The following MED12L variants were observed in gnomAD, a reference collection of about 807,000 sequenced individuals.
The protein encoded by MED12L is mediator complex subunit 12L.
MED12L carries 60 observed loss-of-function variants against 281.3 expected under a neutral mutation model. That is an observed-to-expected ratio of 0.21 (90% CI 0.17 to 0.26). The LOEUF is 0.26. MED12L is among the 10% of genes least tolerant of loss of function. The pLI is 1.00. For synonymous variants in MED12L, 974 were observed against 987.2 expected (o/e 0.99, Z 0.25); for missense variants, 2,146 against 2,680.9 (o/e 0.80, Z 4.41).
intron 6 of MED12L, among the ~76,000 whole-genome samples, chr3:151,157,070 G>T (rs994373795): frequency 1.3e-5 from 2 of 152,138 alleles, no homozygotes; most frequent in African/African-American, 4.8e-5. Flanking sequence ...TTTTAAGTCA[G>T]TAAAAATAAA....
At chr3:151,253,728 A>G (rs1180321612) in intron 16 of MED12L, among the ~76,000 whole-genome samples, 2 of 152,036 alleles carry the variant, frequency 1.3e-5, no homozygotes, top group African/African-American at 2.4e-5. Context: ...TGTCTGGGGA[A>G]TGGGGTGGGG....
At chr3:151,249,825 T>G (rs947226389) in intron 16 of MED12L, among the ~76,000 whole-genome samples, 1 of 152,190 alleles carries the variant, frequency 6.6e-6, no homozygotes, top group African/African-American at 2.4e-5. Flanking sequence ...ATGCTCTGGA[T>G]TAATACAGTC....
intron 16 of MED12L, among the ~76,000 whole-genome samples, chr3:151,321,959 A>C (rs1270112726): frequency 6.6e-6 from 1 of 152,152 alleles, no homozygotes; most frequent in African/African-American, 2.4e-5. Flanking sequence ...GCAAGGAAGC[A>C]GAAACCCGGG....
At chr3:151,430,107 G>A (rs541972859) in intron 43 of MED12L, among the ~76,000 whole-genome samples, 192 bp from the exon 44 acceptor site, 1 of 152,252 alleles carries the variant, frequency 6.6e-6, no homozygotes, top group African/African-American at 2.4e-5. Context: ...CTGAATAGAT[G>A]GGGTACTTCA....
chr3:151,274,653 G>A (rs1320000948), intron 16 of MED12L, among the ~76,000 whole-genome samples: 1 of 152,228 alleles, frequency 6.6e-6, no homozygotes, highest in Non-Finnish European at 1.5e-5. Flanking sequence ...GTCAGTAAAT[G>A]ACTTCTGATG....
intron 2 of MED12L, among the ~76,000 whole-genome samples, chr3:151,112,748 G>T (rs1293594871): frequency 1.3e-5 from 2 of 152,108 alleles, no homozygotes; most frequent in Non-Finnish European, 2.9e-5. Flanking sequence ...TGGTGTGTGG[G>T]GTTTGATGGG....
chr3:151,163,794 C>A, intron 8 of MED12L, 99 bp from the exon 9 acceptor site: 1 of 1,222,146 alleles, frequency 8.2e-7, no homozygotes, highest in Non-Finnish European at 1.1e-6. Flanking sequence ...TAGTAGGAGA[C>A]AATAATACAG....
intron 43 of MED12L, among the ~76,000 whole-genome samples, chr3:151,417,524 G>A (rs1297166911): frequency 9.2e-6 from 1 of 108,660 alleles, no homozygotes; most frequent in Admixed American, 1.5e-4. Flanking sequence ...AATCTCACTC[G>A]ATCACTCAAG....
rs1319656867 is a variant in MED12L, at chr3:151,434,455, G to GA, written c.*1655dup. ...CCCATTTTGTGTTTACTCTGGGCTG[G>GA]AAAAGACTTTGCCAAAACATTAAAA... On this transcript the variant is annotated 3_prime_UTR_variant, in exon 45 of 45. Coordinates refer to ENST00000687756, the MANE Select transcript of MED12L (RefSeq NM_001393769.1). 6.6e-6 allele frequency: 1 copy of GA among 152,122 alleles called. No homozygotes were observed. Among genetic ancestry groups the GA allele is most frequent in the African/African-American group, 2.4e-5 (1 of 41,416 alleles). The allele number at this position is 152,122 out of a possible 1,614,324, so 9.4% of individuals were successfully genotyped here. A position where few individuals can be genotyped will look rare whatever the true frequency, so the allele number is the denominator to read the frequency against.
chr3:151,124,689 A>G (rs1036556037), intron 4 of MED12L, among the ~76,000 whole-genome samples: 2 of 152,188 alleles, frequency 1.3e-5, no homozygotes, highest in Non-Finnish European at 2.9e-5. Context: ...AGTTTCCTGT[A>G]TGGATCATGT....
rs569105492 is a variant in MED12L, at chr3:151,394,771, A to G, written c.5724A>G (p.Ala1908=). 5 of 1,614,230 alleles carry G rather than the reference A, an allele frequency of 3.1e-6. No individual in the cohort carries two copies. In the South Asian group the frequency reaches 5.5e-5, roughly 18 times the overall value. ...GAMMQPPSLH[A]ITSQQQLIQM... ...TGATGCAGCCGCCTTCTCTTCATGC[A>G]ATCACATCGCAGCAGCAGTTGATAC... The change falls in exon 39 of 45, where the codon GCA becomes GCG. Residue 1908 remains alanine, a synonymous_variant. Transcript: ENST00000687756.
chr3:151,087,232 T>C (rs1015480509), intron 2 of MED12L, among the ~76,000 whole-genome samples: 2 of 152,182 alleles, frequency 1.3e-5, no homozygotes, highest in African/African-American at 2.4e-5. Context: ...ACTGGGGCGC[T>C]CGCTTTCCAT....
At chr3:151,199,294 T>G (rs1192143051) in intron 16 of MED12L, 1 of 1,613,868 alleles carries the variant, frequency 6.2e-7, no homozygotes. Flanking sequence ...CAAAACAACT[T>G]CCAATAATTC....
intron 16 of MED12L, among the ~76,000 whole-genome samples, chr3:151,253,768 C>G (rs1737278429): frequency 6.6e-6 from 1 of 151,968 alleles, no homozygotes; most frequent in African/African-American, 2.4e-5. Flanking sequence ...CTCTCTCATC[C>G]ATATTGCCAG....
intron 16 of MED12L, among the ~76,000 whole-genome samples, chr3:151,299,402 C>CTTTTCTT (rs1559999735): frequency 1.4e-4 from 1 of 7,258 alleles, no homozygotes; most frequent in Non-Finnish European, 3.7e-4. Context: ...TTTCTTTTCC[C>CTTTTCTT]CTCCCCTCCC....
At chr3:151,136,545 CT>C (rs1317023949) in intron 5 of MED12L, among the ~76,000 whole-genome samples, 1 of 152,172 alleles carries the variant, frequency 6.6e-6, no homozygotes, top group African/African-American at 2.4e-5. Context: ...CTCTGGCTAT[CT>C]GGTAAAAACC....
chr3:151,373,540 A>G (rs1386578563), intron 27 of MED12L, among the ~76,000 whole-genome samples: 1 of 149,582 alleles, frequency 6.7e-6, no homozygotes, highest in Non-Finnish European at 1.5e-5. Flanking sequence ...AGTCTTTACT[A>G]TGATGGTTGC....
intron 16 of MED12L, among the ~76,000 whole-genome samples, chr3:151,277,401 T>C (rs1351887878): frequency 6.6e-6 from 1 of 152,224 alleles, no homozygotes; most frequent in Non-Finnish European, 1.5e-5. Flanking sequence ...GTTTTCTTTT[T>C]AACTTAATGG....
intron 16 of MED12L, chr3:151,328,347 C>CATATACTT (rs1270606777): frequency 1.2e-6 from 2 of 1,612,752 alleles, no homozygotes; most frequent in Non-Finnish European, 1.7e-6. Context: ...CTATAAGAAT[C>CATATACTT]ATATACTTTT....
Sources: gnomAD v4.1 joint callset for allele counts (sites outside exome capture counted in the v4.1 genomes callset) on GRCh38, gnomAD v4.1.1 for gene constraint, MANE v1.5 for transcripts, NCBI Gene and HGNC (gene_info 2026-07-23, HGNC 2026-07-21) for gene names.